Variants in FKBP3 observed in about 807,000 individuals in gnomAD.
The protein encoded by FKBP3 is FKBP prolyl isomerase 3.
In FKBP3, 21 loss-of-function variants were observed where a neutral mutation model predicts 30.6. That is an observed-to-expected ratio of 0.69 (90% CI 0.49 to 0.99). The LOEUF is 0.99. FKBP3 is among the 50% of genes least tolerant of loss of function. The pLI is 0.00. For missense variants in FKBP3, 283 were observed against 261.6 expected (o/e 1.08, Z -0.56); for synonymous variants, 82 against 91.3 (o/e 0.90, Z 0.58).
chr14:45,132,442 G>A (rs897843216), intron 1 of FKBP3, among the ~76,000 whole-genome samples: 1 of 152,080 alleles, frequency 6.6e-6, no homozygotes, highest in Non-Finnish European at 1.5e-5. Context: ...CTGTCGCCCA[G>A]GCTGGAGTGC....
intron 5 of FKBP3, among the ~76,000 whole-genome samples, chr14:45,118,739 C>T (rs1309304724): frequency 6.6e-6 from 1 of 152,216 alleles, no homozygotes; most frequent in East Asian, 1.9e-4. Flanking sequence ...AACACTTTTA[C>T]ATCACAGGAC....
At chr14:45,132,345 TAATAA>T (rs1284067068) in intron 1 of FKBP3, among the ~76,000 whole-genome samples, 6 of 152,176 alleles carry the variant, frequency 3.9e-5, no homozygotes, top group Middle Eastern at 3.2e-3. Flanking sequence ...ATCTTATGAT[TAATAA>T]AATAATTATT....
chr14:45,118,573 G>T (rs576200761), intron 5 of FKBP3, among the ~76,000 whole-genome samples: 20 of 152,206 alleles, frequency 1.3e-4, no homozygotes, highest in African/African-American at 3.6e-4. Flanking sequence ...GGAGGTTGCA[G>T]TGAGCCAGGA....
chr14:45,121,997 G>T (rs1884995582), intron 3 of FKBP3, among the ~76,000 whole-genome samples: 1 of 152,050 alleles, frequency 6.6e-6, no homozygotes, highest in Non-Finnish European at 1.5e-5. Flanking sequence ...CCCCCACAAA[G>T]ATTTGAACTG....
intron 3 of FKBP3, among the ~76,000 whole-genome samples, chr14:45,127,908 T>C (rs1885135024): frequency 6.6e-6 from 1 of 152,108 alleles, no homozygotes; most frequent in Non-Finnish European, 1.5e-5. Flanking sequence ...AGGAAGATGT[T>C]TGAGAGCATT....
At position 45,126,292 on chromosome 14, in the gene FKBP3, A is replaced by C. The variant is rs181599195; in HGVS notation, c.318+3502T>G. On this transcript the variant is annotated intron_variant, in intron 3 of 6. Coordinates refer to ENST00000396062, the MANE Select transcript of FKBP3 (RefSeq NM_002013.4). The stretch of plus-strand genomic sequence containing the variant: ...ATCACGAGGTCAGGAATTCGACAAT[A>C]GCCTGACCAACATGGTGAAACCCTG... Among the ~76,000 whole-genome samples the C allele has an allele frequency of 4.1e-3, 628 of 151,640 alleles. 3 individuals carry two copies. The highest frequency in any genetic ancestry group is 0.019 in the South Asian group (92 of 4,806).
rs765910800 is a variant in FKBP3 at position 45,134,465 on chromosome 14, G to T, written c.-9C>A. 165 of 1,607,638 alleles carry T rather than the reference G, an allele frequency of 1.0e-4. No individual in the cohort carries two copies. Among genetic ancestry groups the T allele is most frequent in the Admixed American group, 8.4e-5 (5 of 59,334 alleles). ...GGAACGGCCGCCGCCATCTTCCCCC[G>T]CTGCCTCCGCTTTACTGAGCCAGCC... On this transcript the variant is annotated 5_prime_UTR_variant, in exon 1 of 7. Transcript: ENST00000396062.
intron 5 of FKBP3, 55 bp from the exon 6 acceptor site, chr14:45,118,180 T>C: frequency 1.0e-6 from 1 of 996,712 alleles, no homozygotes; most frequent in South Asian, 1.4e-5. Context: ...GCACATGCAA[T>C]ACCAGGACAG....
In FKBP3 at chr14:45,130,713, G is replaced by T. The variant is rs1287101182; in HGVS notation, c.196C>A (p.Leu66Ile). 1.3e-6 allele frequency: 2 copies of T among 1,584,864 alleles called. No individual in the cohort carries two copies. The highest frequency in any genetic ancestry group is 1.7e-6 in the Non-Finnish European group (2 of 1,165,742). The change falls in exon 2 of 7, where the codon CTT becomes ATT. Residue 66 changes from leucine (L) to isoleucine (I), a missense_variant. Coordinates refer to ENST00000396062, the MANE Select transcript of FKBP3 (RefSeq NM_002013.4). ...KDHLVTAYNHLFETKRFKGTE... is the reference protein window; with the variant it reads ...KDHLVTAYNHIFETKRFKGTE... ...ACAATACTCACCTTAGTTTCAAAAA[G>T]ATGGTTATAGGCTGTAACCAAGTGG...
At chr14:45,133,050 T>C (rs1885257328) in intron 1 of FKBP3, among the ~76,000 whole-genome samples, 1 of 152,242 alleles carries the variant, frequency 6.6e-6, no homozygotes, top group Non-Finnish European at 1.5e-5. Context: ...GTTGTATTAA[T>C]ATCTGCTAAA....
rs966794851 is a variant in FKBP3, at chr14:45,134,230, C to A, written c.108+119G>T. ...AGCTGGGCCTCTCCGGCCTTCCAGGCCACCGGCCGCGGGAAGACGAGGGCG... is the reference window on the plus strand; with the variant it reads ...AGCTGGGCCTCTCCGGCCTTCCAGGACACCGGCCGCGGGAAGACGAGGGCG... On this transcript the variant is annotated intron_variant, in intron 1 of 6. Transcript: ENST00000396062. The A allele has an allele frequency of 3.6e-5, 31 of 871,638 alleles. No homozygotes were observed. In the Admixed American group the frequency reaches 3.8e-4, roughly 11 times the overall value. 54.0% of individuals were successfully genotyped at this position (871,638 alleles called of 1,614,324 possible). A position where few individuals can be genotyped will look rare whatever the true frequency, so the allele number is the denominator to read the frequency against.
intron 3 of FKBP3, among the ~76,000 whole-genome samples, chr14:45,123,467 G>C (rs1281771576): frequency 2.0e-5 from 3 of 151,176 alleles, no homozygotes; most frequent in Admixed American, 6.8e-5. Context: ...TAGGACCCCT[G>C]TCTCTGTCTC....
At chr14:45,133,448 CAGAG>C (rs745555380) in intron 1 of FKBP3, 3 of 166,284 alleles carry the variant, frequency 1.8e-5, no homozygotes, top group African/African-American at 4.8e-5. Context: ...GCCTGGGCAA[CAGAG>C]AGAGACTCCG....
intron 3 of FKBP3, among the ~76,000 whole-genome samples, chr14:45,127,115 C>CTTTTTTTTTTTTTTTTTTTTTTTTTTTT (rs1231283034): frequency 2.0e-4 from 24 of 120,658 alleles, no homozygotes; most frequent in African/African-American, 5.9e-4. Flanking sequence ...CTGACCCTGT[C>CTTTTTTTTTTTTTTTTTTTTTTTTTTTT]TTTTTTTTTT....
chr14:45,130,407 A>C (rs1382371837), intron 2 of FKBP3, among the ~76,000 whole-genome samples: 2 of 152,270 alleles, frequency 1.3e-5, no homozygotes, highest in Non-Finnish European at 1.5e-5. Flanking sequence ...CATATGCTAA[A>C]GTAATACGGT....
At chr14:45,130,905 C>T in intron 1 of FKBP3, 105 bp from the exon 2 acceptor site, 1 of 594,068 alleles carries the variant, frequency 1.7e-6, no homozygotes, top group South Asian at 2.2e-5. Context: ...TTCAGTAGTA[C>T]TAGTACTGAA....
At chr14:45,132,620 T>C (rs1238763955) in intron 1 of FKBP3, among the ~76,000 whole-genome samples, 1 of 151,994 alleles carries the variant, frequency 6.6e-6, no homozygotes, top group African/African-American at 2.4e-5. Flanking sequence ...AGGCTGGTCC[T>C]CAATGCCTGG....
chr14:45,126,155 T>C (rs1885091842), intron 3 of FKBP3, among the ~76,000 whole-genome samples: 1 of 150,918 alleles, frequency 6.6e-6, no homozygotes, highest in South Asian at 2.1e-4. Flanking sequence ...CCTCCCAAAG[T>C]GCTGGGATAA....
At chr14:45,116,304 C>T in intron 6 of FKBP3, 52 bp from the exon 7 acceptor site, 2 of 1,355,740 alleles carry the variant, frequency 1.5e-6, no homozygotes, top group Non-Finnish European at 2.1e-6. Context: ...CCCCTACCCC[C>T]ATAACCTTAG....
Sources: gnomAD v4.1 joint callset for allele counts (sites outside exome capture counted in the v4.1 genomes callset) on GRCh38, gnomAD v4.1.1 for gene constraint, MANE v1.5 for transcripts, NCBI Gene and HGNC (gene_info 2026-07-23, HGNC 2026-07-21) for gene names.